The following FOXP2 variants were observed in gnomAD, a reference collection of about 807,000 sequenced individuals.
FOXP2 encodes forkhead box protein P2.
FOXP2 carries 12 observed loss-of-function variants against 115.8 expected under a neutral mutation model. The observed-to-expected ratio is 0.10, with a 90% CI of 0.07 to 0.17. The LOEUF (loss-of-function observed/expected upper bound fraction) is 0.17, where lower values mean the gene tolerates loss of function less well. FOXP2 is among the 10% of genes least tolerant of loss of function. FOXP2 has a pLI of 1.00. For missense variants in FOXP2, 629 were observed against 843.5 expected (o/e 0.75, Z 3.15); for synonymous variants, 328 against 297.7 (o/e 1.10, Z -1.05).
chr7:114,288,174 G>T (rs1022161827), intron 2 of FOXP2: 1 of 429,818 alleles, frequency 2.3e-6, no homozygotes, highest in African/African-American at 2.1e-5. Flanking sequence ...TTCTAATGCT[G>T]ATTTTACTCT....
At chr7:114,159,408 A>C (rs1792766307), upstream of FOXP2, among the ~76,000 whole-genome samples, 1 of 152,096 alleles carries the variant, frequency 6.6e-6, no homozygotes, top group African/African-American at 2.4e-5. Context: ...GTCTATATAA[A>C]TTTATTAATG....
intron 2 of FOXP2, among the ~76,000 whole-genome samples, chr7:114,442,252 A>G (rs1158875491): frequency 6.6e-6 from 1 of 152,136 alleles, no homozygotes; most frequent in Non-Finnish European, 1.5e-5. Flanking sequence ...ATTTGTATGA[A>G]GCTTTCAGAA....
intron 2 of FOXP2, among the ~76,000 whole-genome samples, chr7:114,304,238 C>A (rs1258878460): frequency 6.6e-6 from 1 of 152,042 alleles, no homozygotes; most frequent in African/African-American, 2.4e-5. Context: ...ACATCTTAAA[C>A]TCCAGTGGCT....
At chr7:114,478,603 C>G (rs1490743237) in intron 2 of FOXP2, among the ~76,000 whole-genome samples, 1 of 151,782 alleles carries the variant, frequency 6.6e-6, no homozygotes, top group Non-Finnish European at 1.5e-5. Context: ...TTCATGTGCT[C>G]TATGCTGCTA....
intron 1 of FOXP2, among the ~76,000 whole-genome samples, chr7:114,213,185 C>T (rs968258082): frequency 6.6e-6 from 1 of 152,162 alleles, no homozygotes; most frequent in African/African-American, 2.4e-5. Flanking sequence ...ATTAACTCAT[C>T]TTATTTACAT....
chr7:114,108,719 A>G (rs1346428654), intron 1 of FOXP2, among the ~76,000 whole-genome samples: 2 of 151,972 alleles, frequency 1.3e-5, no homozygotes, highest in Admixed American at 1.3e-4. Flanking sequence ...TGCATCATAC[A>G]TTTATCTATT....
At chr7:114,391,279 A>G (rs901420421) in intron 2 of FOXP2, among the ~76,000 whole-genome samples, 1 of 152,076 alleles carries the variant, frequency 6.6e-6, no homozygotes, top group Non-Finnish European at 1.5e-5. Flanking sequence ...GCCCCTTTAG[A>G]CTGGGCATGC....
At chr7:114,280,571 A>T (rs1420834237) in intron 1 of FOXP2, among the ~76,000 whole-genome samples, 4 of 152,118 alleles carry the variant, frequency 2.6e-5, no homozygotes, top group Non-Finnish European at 4.4e-5. Flanking sequence ...TAAAAGCTAT[A>T]CTCTGTTCTA....
intron 2 of FOXP2, among the ~76,000 whole-genome samples, chr7:114,442,737 C>T (rs1008706458): frequency 3.3e-5 from 5 of 152,116 alleles, no homozygotes; most frequent in African/African-American, 1.2e-4. Context: ...GTTGTGATTA[C>T]AGACGTCAGC....
At chr7:114,441,034 T>TA (rs1794576844) in intron 2 of FOXP2, among the ~76,000 whole-genome samples, 1 of 152,214 alleles carries the variant, frequency 6.6e-6, no homozygotes, top group African/African-American at 2.4e-5. Flanking sequence ...GATTACTGCC[T>TA]AAAAATATCA....
At chr7:114,498,632 A>G (rs1228394248) in intron 2 of FOXP2, among the ~76,000 whole-genome samples, 2 of 152,224 alleles carry the variant, frequency 1.3e-5, no homozygotes, top group Non-Finnish European at 2.9e-5. Context: ...ATCACAAACT[A>G]TAAGTTATCT....
chr7:114,089,799 T>A (rs1017303941), intron 1 of FOXP2, among the ~76,000 whole-genome samples: 1 of 152,120 alleles, frequency 6.6e-6, no homozygotes, highest in Admixed American at 6.5e-5. Flanking sequence ...ATTTCCTTTG[T>A]ACAAACAAAA....
At chr7:114,687,464 G>A (rs1470172517) in intron 16 of FOXP2, among the ~76,000 whole-genome samples, 2 of 152,090 alleles carry the variant, frequency 1.3e-5, no homozygotes, top group African/African-American at 4.8e-5. Flanking sequence ...AATACTAAAT[G>A]ACTCATCCAG....
intron 2 of FOXP2, among the ~76,000 whole-genome samples, chr7:114,373,870 A>G (rs1369896867): frequency 1.3e-5 from 2 of 152,216 alleles, no homozygotes; most frequent in Non-Finnish European, 2.9e-5. Context: ...AGCTTGCCCA[A>G]GAGAGAATGG....
intron 1 of FOXP2, among the ~76,000 whole-genome samples, chr7:114,226,813 C>T (rs957582700): frequency 3.6e-4 from 55 of 152,164 alleles, no homozygotes; most frequent in Non-Finnish European, 7.1e-4. Context: ...CTGAGAACAG[C>T]ATCACTGGTA....
intron 2 of FOXP2, among the ~76,000 whole-genome samples, chr7:114,355,685 G>A (rs1222698868): frequency 6.6e-6 from 1 of 152,070 alleles, no homozygotes; most frequent in Non-Finnish European, 1.5e-5. Context: ...ATACCATCTG[G>A]GAGTACAAAC....
chr7:114,661,883 A>G, intron 13 of FOXP2, 182 bp from the exon 14 acceptor site: 2 of 679,234 alleles, frequency 2.9e-6, no homozygotes, highest in Non-Finnish European at 2.4e-6. Flanking sequence ...CAAAGTTCAA[A>G]CTGCAGATTC....
intron 3 of FOXP2, among the ~76,000 whole-genome samples, chr7:114,551,712 T>G (rs971508636): frequency 6.6e-6 from 1 of 152,056 alleles, no homozygotes; most frequent in African/African-American, 2.4e-5. Flanking sequence ...GAGAGAAAAA[T>G]GTAGAAAAGT....
intron 6 of FOXP2, among the ~76,000 whole-genome samples, chr7:114,634,466 A>C (rs968580638): frequency 1.3e-5 from 2 of 151,984 alleles, no homozygotes; most frequent in African/African-American, 4.8e-5. Flanking sequence ...TCCTCTCTAA[A>C]GTTTTATATT....
Sources: gnomAD v4.1 joint callset for allele counts (sites outside exome capture counted in the v4.1 genomes callset) on GRCh38, gnomAD v4.1.1 for gene constraint, MANE v1.5 for transcripts, NCBI Gene and HGNC (gene_info 2026-07-23, HGNC 2026-07-21) for gene names.